The following SIPA1L3 variants were observed in gnomAD, a reference collection of about 807,000 sequenced individuals.
SIPA1L3 encodes the protein signal induced proliferation associated 1 like 3.
SIPA1L3 carries 59 observed loss-of-function variants against 150.1 expected under a neutral mutation model. The observed-to-expected ratio is 0.39, with a 90% CI of 0.32 to 0.49. SIPA1L3 has a LOEUF of 0.49. Ranked by LOEUF, SIPA1L3 falls within the 20% of genes least tolerant of loss-of-function variation. The probability of loss-of-function intolerance (pLI) is 0.86; values close to 1 mark genes in which losing one functional copy is unlikely to be tolerated. For missense variants in SIPA1L3, 2,211 were observed against 2,489.5 expected (o/e 0.89, Z 2.38); for synonymous variants, 1,070 against 1,077.6 (o/e 0.99, Z 0.14).
intron 4 of SIPA1L3, among the ~76,000 whole-genome samples, chr19:38,094,001 C>G (rs1970322621): frequency 6.6e-6 from 1 of 152,184 alleles, no homozygotes; most frequent in African/African-American, 2.4e-5. Context: ...CCCACAAGGC[C>G]CAGTGGTTCT....
intron 2 of SIPA1L3, among the ~76,000 whole-genome samples, chr19:38,067,358 A>G (rs1280814337): frequency 6.6e-6 from 1 of 152,178 alleles, no homozygotes; most frequent in Non-Finnish European, 1.5e-5. Flanking sequence ...AGCCTTGCCA[A>G]TTTGAATGTA....
At chr19:37,950,323 A>G (rs1329300687) in intron 1 of SIPA1L3, among the ~76,000 whole-genome samples, 1 of 152,122 alleles carries the variant, frequency 6.6e-6, no homozygotes, top group Admixed American at 6.6e-5. Context: ...TTTCATCATC[A>G]TCGTTGTCAT....
chr19:37,952,011 G>T (rs2046769158), intron 1 of SIPA1L3, among the ~76,000 whole-genome samples: 1 of 151,624 alleles, frequency 6.6e-6, no homozygotes. Flanking sequence ...TTATCTTCCT[G>T]CCATAGGGAT....
intron 9 of SIPA1L3, among the ~76,000 whole-genome samples, chr19:38,129,522 G>C (rs1971259030): frequency 6.6e-6 from 1 of 152,118 alleles, no homozygotes; most frequent in Admixed American, 6.5e-5. Context: ...CTACTGGGGA[G>C]GCTGAGGCAG....
rs1458032629 is a variant in SIPA1L3 at position 38,082,414 on chromosome 19, C to T, written c.849C>T (p.Ala283=). The T allele has an allele frequency of 2.5e-6, 4 of 1,596,452 alleles. No homozygotes were observed. Among genetic ancestry groups the T allele is most frequent in the Non-Finnish European group, 3.4e-6 (4 of 1,175,622 alleles). ...PLQPTKEKEK[A]RKKPARGLGG... ...AGCCCACGAAGGAGAAGGAGAAGGCCCGGAAGAAACCTGCGCGGGGCCTCG... is the reference window on the plus strand; with the variant it reads ...AGCCCACGAAGGAGAAGGAGAAGGCTCGGAAGAAACCTGCGCGGGGCCTCG... Residue 283 remains alanine, a synonymous_variant, in exon 3 of 22, where the codon GCC becomes GCT. Coordinates refer to ENST00000222345, the MANE Select transcript of SIPA1L3 (RefSeq NM_015073.3).
Position 38,083,066 on chromosome 19 carries a change from G to A in SIPA1L3, c.1501G>A (p.Ala501Thr). The A allele has an allele frequency of 8.1e-6, 13 of 1,612,082 alleles. No homozygotes were observed. The highest frequency in any genetic ancestry group is 1.1e-5 in the Non-Finnish European group (13 of 1,179,934). The change falls in exon 3 of 22, where the codon GCC becomes ACC. Residue 501 changes from alanine to threonine, a missense_variant. Ala to Thr is a moderately conservative substitution (Grantham distance 58). Coordinates refer to ENST00000222345, the MANE Select transcript of SIPA1L3 (RefSeq NM_015073.3). ...CAGCATCGAGCATGTGGACCTGGGC[G>A]CCCGCTACTACCAGGATTACTTCGT... ...QYSIEHVDLGARYYQDYFVGK... is the reference protein window; with the variant it reads ...QYSIEHVDLGTRYYQDYFVGK...
At position 38,198,561 on chromosome 19, in the gene SIPA1L3, G is replaced by T. The variant is rs914004677; in HGVS notation, c.4984+29G>T. ...GGCGCCTTCCACCCAGTCCCGCCAG[G>T]CCCCCACCCCGTCCTCTGTTCTAGA... is the stretch of plus-strand genomic sequence containing the variant. On this transcript the variant is annotated intron_variant, in intron 19 of 21. Coordinates refer to ENST00000222345, the MANE Select transcript of SIPA1L3 (RefSeq NM_015073.3). 6 of 1,474,878 alleles carry T rather than the reference G, an allele frequency of 4.1e-6. No individual in the cohort carries two copies. In the African/African-American group the frequency reaches 4.3e-5, roughly 11 times the overall value. The allele number at this position is 1,474,878 out of a possible 1,614,324, so 91.4% of individuals were successfully genotyped here. A position where few individuals can be genotyped will look rare whatever the true frequency, so the allele number is the denominator to read the frequency against.
chr19:37,938,351 T>C (rs2046620483), intron 1 of SIPA1L3, among the ~76,000 whole-genome samples: 1 of 152,232 alleles, frequency 6.6e-6, no homozygotes, highest in Non-Finnish European at 1.5e-5. Flanking sequence ...GATTTCTGGA[T>C]TGTAGGTTGT....
intron 9 of SIPA1L3, among the ~76,000 whole-genome samples, chr19:38,122,867 C>T (rs1971053134): frequency 6.6e-6 from 1 of 152,188 alleles, no homozygotes. Flanking sequence ...GTCGCCTTGT[C>T]GGTGAGGCCT....
intron 4 of SIPA1L3, among the ~76,000 whole-genome samples, chr19:38,099,499 G>A (rs974725113): frequency 2.0e-5 from 3 of 152,110 alleles, no homozygotes; most frequent in African/African-American, 7.2e-5. Flanking sequence ...CCACCTCCTG[G>A]TAGGACCTGT....
chr19:38,153,651 C>A (rs1445564950), intron 13 of SIPA1L3, among the ~76,000 whole-genome samples: 1 of 130,414 alleles, frequency 7.7e-6, no homozygotes, highest in Non-Finnish European at 1.6e-5. Flanking sequence ...GCCTGGGTGA[C>A]AGAGCAAGAT....
chr19:38,006,740 C>G (rs1303681629), intron 1 of SIPA1L3, among the ~76,000 whole-genome samples: 1 of 152,172 alleles, frequency 6.6e-6, no homozygotes, highest in Non-Finnish European at 1.5e-5. Context: ...GGACTCTGGC[C>G]ATTCCTGTGA....
intron 1 of SIPA1L3, among the ~76,000 whole-genome samples, chr19:37,967,297 G>A (rs985111536): frequency 6.6e-6 from 1 of 150,572 alleles, no homozygotes; most frequent in African/African-American, 2.4e-5. Flanking sequence ...CTGTCGCCCA[G>A]GCTGGAGTGC....
intron 9 of SIPA1L3, among the ~76,000 whole-genome samples, chr19:38,123,802 G>A (rs1971090031): frequency 8.5e-6 from 1 of 118,048 alleles, no homozygotes; most frequent in African/African-American, 4.0e-5. Flanking sequence ...ACGGGGTGGC[G>A]GCCGGGCAGA....
At chr19:38,048,008 G>A (rs1969100149) in intron 2 of SIPA1L3, among the ~76,000 whole-genome samples, 1 of 152,172 alleles carries the variant, frequency 6.6e-6, no homozygotes, top group East Asian at 1.9e-4. Flanking sequence ...GAGCTCTCGT[G>A]CACAGAGAAT....
intron 9 of SIPA1L3, among the ~76,000 whole-genome samples, chr19:38,127,711 C>A (rs891311938): frequency 6.6e-6 from 1 of 151,800 alleles, no homozygotes; most frequent in African/African-American, 2.4e-5. Flanking sequence ...ATTGCCCAGG[C>A]TCATCTTGAA....
intron 1 of SIPA1L3, among the ~76,000 whole-genome samples, chr19:37,921,294 A>G (rs1012252830): frequency 1.3e-5 from 2 of 152,186 alleles, no homozygotes; most frequent in Non-Finnish European, 2.9e-5. Context: ...ACAACAGCAC[A>G]TGAGTATGTG....
chr19:38,084,148 T>A (rs1449687935), intron 3 of SIPA1L3, among the ~76,000 whole-genome samples: 1 of 151,960 alleles, frequency 6.6e-6, no homozygotes, highest in African/African-American at 2.4e-5. Flanking sequence ...CCTTAGTGCA[T>A]GGCATGATCC....
intron 1 of SIPA1L3, among the ~76,000 whole-genome samples, chr19:38,018,739 C>T (rs1968296071): frequency 6.6e-6 from 1 of 152,160 alleles, no homozygotes. Context: ...GGCTTAAATT[C>T]ATTCTGGTTC....
Sources: allele counts gnomAD v4.1 joint callset (sites outside exome capture counted in the v4.1 genomes callset), GRCh38; gene constraint gnomAD v4.1.1; transcripts MANE v1.5; gene names NCBI Gene and HGNC (gene_info 2026-07-23, HGNC 2026-07-21).